SHC3: variants seen among roughly 807,000 people sequenced by gnomAD.
SHC3 encodes the protein SHC-transforming protein 3.
Under a neutral mutation model 60.4 loss-of-function variants are expected in SHC3, and 15 were observed. The ratio of observed to expected loss-of-function variants is 0.25; its 90% CI spans 0.17 to 0.38. The LOEUF is 0.38. SHC3 is among the 10% of genes least tolerant of loss of function. The pLI, the probability that SHC3 is intolerant of heterozygous loss-of-function variation, is 1.00. For synonymous variants in SHC3, 294 were observed against 325.9 expected, an observed-to-expected ratio of 0.90 and a Z score of 1.05; for missense variants, 677 against 786.1, an observed-to-expected ratio of 0.86 and a Z score of 1.66.
At chr9:89,110,126 AT>A in intron 2 of SHC3, 1 of 985,416 alleles carries the variant, frequency 1.0e-6, no homozygotes, top group Non-Finnish European at 1.2e-6. Flanking sequence ...CACAAGTTTG[AT>A]TTGGCTTTCA....
At chr9:89,074,232 G>A (rs1046441961) in intron 4 of SHC3, among the ~76,000 whole-genome samples, 6 of 152,074 alleles carry the variant, frequency 3.9e-5, no homozygotes, top group East Asian at 1.9e-4. Context: ...AGGTCACTGC[G>A]GGCATCCCTG....
chr9:89,035,944 T>C (rs539562559), intron 11 of SHC3, among the ~76,000 whole-genome samples: 19 of 150,690 alleles, frequency 1.3e-4, no homozygotes, highest in Non-Finnish European at 2.5e-4. Flanking sequence ...GGAATTAAAG[T>C]CTACATGTGA....
chr9:89,036,828 C>A (rs745732747), intron 11 of SHC3, among the ~76,000 whole-genome samples: 32 of 152,042 alleles, frequency 2.1e-4, no homozygotes, highest in Non-Finnish European at 3.4e-4. Flanking sequence ...CCTTGACCTA[C>A]GGGGCTCAAG....
chr9:89,129,544 C>T (rs1826212784), intron 1 of SHC3, among the ~76,000 whole-genome samples: 1 of 152,192 alleles, frequency 6.6e-6, no homozygotes, highest in African/African-American at 2.4e-5. Flanking sequence ...GCCCATCAGA[C>T]TAACAGCAGA....
At chr9:89,086,495 T>C (rs945038207) in intron 2 of SHC3, among the ~76,000 whole-genome samples, 2 of 152,240 alleles carry the variant, frequency 1.3e-5, no homozygotes, top group Non-Finnish European at 2.9e-5. Context: ...GGAACTTCCA[T>C]GCCCTCCCAG....
chr9:89,148,846 T>G (rs1826506452), intron 1 of SHC3, among the ~76,000 whole-genome samples: 1 of 152,228 alleles, frequency 6.6e-6, no homozygotes, highest in South Asian at 2.1e-4. Flanking sequence ...TACAGATTTA[T>G]GAAAGGCATA....
chr9:89,111,097 G>A lies in SHC3; in HGVS notation c.545+1459C>T, dbSNP rs149076963. Among the ~76,000 whole-genome samples, 274 of 152,232 alleles carry A rather than the reference G, an allele frequency of 1.8e-3. 1 individual carries two copies. The highest frequency in any genetic ancestry group is 0.01 in the Middle Eastern group (3 of 294). Reference sequence around the variant, plus strand: ...CAACACTGAGAGGCCTAGCAAAGCCGGAGAGTCACGTTGTCCAGTGTGTTG... The same window carrying A: ...CAACACTGAGAGGCCTAGCAAAGCCAGAGAGTCACGTTGTCCAGTGTGTTG... On this transcript the variant is annotated intron_variant, in intron 2 of 11. Coordinates refer to ENST00000375835, the MANE Select transcript of SHC3 (RefSeq NM_016848.6).
chr9:89,149,017 T>C (rs186858126), intron 1 of SHC3, among the ~76,000 whole-genome samples: 11 of 152,348 alleles, frequency 7.2e-5, no homozygotes, highest in Non-Finnish European at 2.9e-5. Context: ...AGCAAATTAC[T>C]TGAGCTTGTG....
intron 1 of SHC3, among the ~76,000 whole-genome samples, chr9:89,141,480 A>C (rs1826392563): frequency 6.6e-6 from 1 of 152,230 alleles, no homozygotes; most frequent in Non-Finnish European, 1.5e-5. Context: ...ACTGGTTTGC[A>C]CAGAGAGAGA....
At chr9:89,123,515 T>C (rs896087042) in intron 1 of SHC3, among the ~76,000 whole-genome samples, 1 of 152,166 alleles carries the variant, frequency 6.6e-6, no homozygotes, top group African/African-American at 2.4e-5. Flanking sequence ...CTTGTCCATG[T>C]TCATCATTGA....
rs12337911 is a variant in SHC3 at position 89,032,006 on chromosome 9, C to T, written c.1656+5987G>A. 4.7e-3 allele frequency among the ~76,000 whole-genome samples: 708 copies of T among 152,204 alleles called. 4 individuals are homozygous for T. Among genetic ancestry groups the T allele is most frequent in the African/African-American group, 0.016 (668 of 41,524 alleles). ...CAGCCTCTCTTCTCCTTTGAGCTCC[C>T]GTGTTGAGAAGATGAGCCCAGGAGA... On this transcript the variant is annotated intron_variant, in intron 11 of 11. Transcript: ENST00000375835.
intron 1 of SHC3, among the ~76,000 whole-genome samples, chr9:89,133,003 C>G (rs1028426838): frequency 6.6e-6 from 1 of 152,172 alleles, no homozygotes; most frequent in Non-Finnish European, 1.5e-5. Context: ...TTTTTACAAT[C>G]TACCCATCTG....
chr9:89,054,895 C>T (rs1308005211), intron 6 of SHC3, among the ~76,000 whole-genome samples: 1 of 152,318 alleles, frequency 6.6e-6, no homozygotes, highest in East Asian at 1.9e-4. Context: ...TCTTATTTTG[C>T]CCCGCCAATA....
At chr9:89,096,354 T>A (rs1825701148) in intron 2 of SHC3, among the ~76,000 whole-genome samples, 1 of 152,174 alleles carries the variant, frequency 6.6e-6, no homozygotes, top group Non-Finnish European at 1.5e-5. Flanking sequence ...GTGCTTTGAC[T>A]CAGCTCCCAC....
chr9:89,059,219 TG>T (rs201241024), intron 6 of SHC3, among the ~76,000 whole-genome samples: 7 of 124,112 alleles, frequency 5.6e-5, no homozygotes, highest in South Asian at 2.9e-4. Context: ...TGGTGGAGGA[TG>T]GTGGTGGAGG....
chr9:89,027,251 G>A (rs36101314), intron 11 of SHC3, among the ~76,000 whole-genome samples: 13,267 of 151,490 alleles, frequency 0.088, 799 homozygotes, highest in Non-Finnish European at 0.12. Flanking sequence ...AAATTTACCT[G>A]TGTGTTTTCA....
intron 10 of SHC3, 128 bp downstream of exon 10, chr9:89,041,898 C>T (rs1435634981): frequency 1.7e-6 from 2 of 1,180,966 alleles, no homozygotes; most frequent in Admixed American, 2.3e-5. Context: ...CAGAAAAGTA[C>T]AGCTAATCAT....
intron 6 of SHC3, 96 bp downstream of exon 6, chr9:89,065,433 G>A (rs1825162660): frequency 1.6e-6 from 2 of 1,283,290 alleles, no homozygotes; most frequent in East Asian, 4.6e-5. Flanking sequence ...CTACTCATTT[G>A]TTGGGAGGGG....
chr9:89,124,089 A>G (rs1279556784), intron 1 of SHC3, among the ~76,000 whole-genome samples: 1 of 152,178 alleles, frequency 6.6e-6, no homozygotes, highest in Non-Finnish European at 1.5e-5. Context: ...GAAAAAAAAA[A>G]AGCTCATCAT....
Sources: allele counts gnomAD v4.1 joint callset (sites outside exome capture counted in the v4.1 genomes callset), GRCh38; gene constraint gnomAD v4.1.1; transcripts MANE v1.5; gene names NCBI Gene and HGNC (gene_info 2026-07-23, HGNC 2026-07-21).